Variants in RHBDD1 observed in about 807,000 individuals in gnomAD.
RHBDD1 encodes rhomboid-related protein 4.
A neutral mutation model predicts 36.3 loss-of-function variants in RHBDD1; 38 were observed. The observed-to-expected ratio is 1.05, with a 90% CI of 0.81 to 1.37. The LOEUF is 1.37. RHBDD1 is among the 40% of genes most tolerant of loss of function. The probability of loss-of-function intolerance (pLI) is 0.00; values close to 1 mark genes in which losing one functional copy is unlikely to be tolerated. For synonymous variants in RHBDD1, 151 were observed against 136.5 expected, an observed-to-expected ratio of 1.11 and a Z score of -0.74; for missense variants, 393 against 377.6, an observed-to-expected ratio of 1.04 and a Z score of -0.34.
intron 3 of RHBDD1, among the ~76,000 whole-genome samples, chr2:226,841,913 A>G (rs1350560248): frequency 1.3e-5 from 2 of 152,138 alleles, no homozygotes; most frequent in Non-Finnish European, 2.9e-5. Context: ...ACTTCCACCA[A>G]CAGTGTAGTA....
chr2:226,934,936 A>G lies in RHBDD1; in HGVS notation c.856+20585A>G, dbSNP rs191003890. ...CAAAGCTCTGTCCTTTTCAATTTCT[A>G]TCTGCCAGCGTGCAGCATGGGTACT... On this transcript the variant is annotated intron_variant, in intron 8 of 8. Coordinates refer to ENST00000392062, the MANE Select transcript of RHBDD1 (RefSeq NM_001167608.3). 1.8e-4 allele frequency among the ~76,000 whole-genome samples: 27 copies of G among 151,536 alleles called. No individual in the cohort carries two copies. The East Asian group carries it at 5.0e-3, about 28-fold the overall frequency.
At chr2:226,960,096 T>G (rs1952078272) in intron 8 of RHBDD1, among the ~76,000 whole-genome samples, 1 of 152,218 alleles carries the variant, frequency 6.6e-6, no homozygotes, top group African/African-American at 2.4e-5. Flanking sequence ...GTGCTGGGAT[T>G]ACAGGCATGA....
Position 226,959,132 on chromosome 2 carries a change from G to A in RHBDD1, c.857-36299G>A, listed in dbSNP as rs147355574. Among the ~76,000 whole-genome samples the A allele has an allele frequency of 2.0e-3, 302 of 152,052 alleles. 5 individuals are homozygous for A. The East Asian group carries it at 0.042, about 21-fold the overall frequency. ...CAAATTGTGGGGCCTATTGAGTCTC[G>A]GTTTCATAACTGAAATCTGGGTTGT... On this transcript the variant is annotated intron_variant, in intron 8 of 8. Transcript: ENST00000392062.
intron 5 of RHBDD1, among the ~76,000 whole-genome samples, chr2:226,901,044 TC>T (rs1947542405): frequency 6.6e-6 from 1 of 152,192 alleles, no homozygotes; most frequent in Non-Finnish European, 1.5e-5. Context: ...CATCCCTAGT[TC>T]CTGGCAACCA....
chr2:226,946,029 T>G (rs1413751484), intron 8 of RHBDD1, among the ~76,000 whole-genome samples: 1 of 152,218 alleles, frequency 6.6e-6, no homozygotes, highest in Admixed American at 6.5e-5. Flanking sequence ...TTTAAGTTCC[T>G]CATAGACTCT....
At chr2:226,986,608 A>G (rs1957008225) in intron 8 of RHBDD1, among the ~76,000 whole-genome samples, 1 of 152,270 alleles carries the variant, frequency 6.6e-6, no homozygotes, top group African/African-American at 2.4e-5. Flanking sequence ...CATTAGAGAA[A>G]TGCAAATCAA....
intron 8 of RHBDD1, among the ~76,000 whole-genome samples, chr2:226,982,510 T>A (rs1437740478): frequency 6.6e-6 from 1 of 152,242 alleles, no homozygotes; most frequent in Non-Finnish European, 1.5e-5. Flanking sequence ...CATCAATAGA[T>A]GTAATACATC....
chr2:226,919,466 A>G (rs1023361271), intron 8 of RHBDD1, among the ~76,000 whole-genome samples: 2 of 152,106 alleles, frequency 1.3e-5, no homozygotes, highest in African/African-American at 4.8e-5. Context: ...TCTTAGATGT[A>G]AGTCTTTAAT....
chr2:226,863,354 A>G (rs1368585040), intron 3 of RHBDD1, among the ~76,000 whole-genome samples: 1 of 152,166 alleles, frequency 6.6e-6, no homozygotes, highest in Non-Finnish European at 1.5e-5. Flanking sequence ...AAATAAATAC[A>G]TTCATTCATT....
At chr2:226,855,624 TA>T (rs1361414878) in intron 3 of RHBDD1, among the ~76,000 whole-genome samples, 1 of 152,222 alleles carries the variant, frequency 6.6e-6, no homozygotes, top group African/African-American at 2.4e-5. Flanking sequence ...AATATGGTTA[TA>T]ACAATAAAGT....
intron 5 of RHBDD1, among the ~76,000 whole-genome samples, chr2:226,883,785 GTC>G (rs981479123): frequency 6.6e-6 from 1 of 152,198 alleles, no homozygotes; most frequent in Non-Finnish European, 1.5e-5. Context: ...AAAGGCCTAT[GTC>G]ATGGGTCAGT....
In RHBDD1 at chr2:226,998,210, A is replaced by G. The variant is rs1363427930; in HGVS notation, c.*2688A>G. Reference sequence around the variant, plus strand: ...GCTTCCTCTTAATGACTCTGAATGTATTGCCTGTGATTCCAAAGTTGTACA... The same window carrying G: ...GCTTCCTCTTAATGACTCTGAATGTGTTGCCTGTGATTCCAAAGTTGTACA... On this transcript the variant is annotated 3_prime_UTR_variant, in exon 9 of 9. Coordinates refer to ENST00000392062, the MANE Select transcript of RHBDD1 (RefSeq NM_001167608.3). 1 of 152,186 alleles carries G rather than the reference A, an allele frequency of 6.6e-6. No homozygotes were observed. Among genetic ancestry groups the G allele is most frequent in the Non-Finnish European group, 1.5e-5 (1 of 68,044 alleles). 9.4% of individuals were successfully genotyped at this position (152,186 alleles called of 1,614,324 possible).
chr2:226,934,874 T>C (rs974313770), intron 8 of RHBDD1, among the ~76,000 whole-genome samples: 5 of 143,528 alleles, frequency 3.5e-5, no homozygotes, highest in African/African-American at 1.3e-4. Flanking sequence ...TTTTTTTTTT[T>C]AAATAGCCTG....
chr2:226,969,157 T>A (rs1952960880), intron 8 of RHBDD1: 1 of 155,048 alleles, frequency 6.4e-6, no homozygotes. Flanking sequence ...GTGGTGGCAG[T>A]AGCATTGGTG....
chr2:226,903,510 G>T (rs1947770257), intron 5 of RHBDD1, among the ~76,000 whole-genome samples: 1 of 152,116 alleles, frequency 6.6e-6, no homozygotes, highest in African/African-American at 2.4e-5. Flanking sequence ...ATCCAGTTGG[G>T]GGTCTGCAGA....
At chr2:226,843,484 T>C (rs896789924) in intron 3 of RHBDD1, among the ~76,000 whole-genome samples, 1 of 152,180 alleles carries the variant, frequency 6.6e-6, no homozygotes, top group Non-Finnish European at 1.5e-5. Context: ...CATGAAGGGA[T>C]GTTGAATTTT....
intron 5 of RHBDD1, among the ~76,000 whole-genome samples, chr2:226,874,960 A>C (rs981191072): frequency 3.9e-5 from 6 of 152,196 alleles, no homozygotes; most frequent in African/African-American, 1.4e-4. Flanking sequence ...CAAATCACAT[A>C]GTATCTATTG....
intron 8 of RHBDD1, among the ~76,000 whole-genome samples, chr2:226,955,019 G>A (rs575941936): frequency 2.3e-4 from 35 of 152,046 alleles, no homozygotes; most frequent in African/African-American, 8.0e-4. Flanking sequence ...GTGCTTGAGG[G>A]TACTGAAAGC....
intron 5 of RHBDD1, among the ~76,000 whole-genome samples, chr2:226,894,143 C>T (rs1946901380): frequency 6.6e-6 from 1 of 152,148 alleles, no homozygotes; most frequent in African/African-American, 2.4e-5. Flanking sequence ...TCACAAAAAG[C>T]CTGCATCTGT....
Sources: gnomAD v4.1 joint callset for allele counts (sites outside exome capture counted in the v4.1 genomes callset) on GRCh38, gnomAD v4.1.1 for gene constraint, MANE v1.5 for transcripts, NCBI Gene and HGNC (gene_info 2026-07-23, HGNC 2026-07-21) for gene names.